Variants in GPBP1 observed in about 807,000 individuals in gnomAD.
GPBP1 encodes vasculin.
GPBP1 carries 13 observed loss-of-function variants against 56.5 expected under a neutral mutation model. The observed-to-expected ratio is 0.23, with a 90% CI of 0.15 to 0.37. The LOEUF is 0.37. GPBP1 is among the 10% of genes least tolerant of loss of function. The pLI, the probability that GPBP1 is intolerant of heterozygous loss-of-function variation, is 1.00. For missense variants in GPBP1, 477 were observed against 572.3 expected, an observed-to-expected ratio of 0.83 and a Z score of 1.70; for synonymous variants, 204 against 188.9, an observed-to-expected ratio of 1.08 and a Z score of -0.66.
At chr5:57,199,606 A>T (rs62355723) in intron 2 of GPBP1, among the ~76,000 whole-genome samples, 3,254 of 152,288 alleles carry the variant, frequency 0.021, 61 homozygotes, top group Middle Eastern at 0.048. Context: ...CAGGTTTGTT[A>T]CATATGTATA....
chr5:57,220,369 ATGATTT>A (rs778732329), intron 3 of GPBP1, among the ~76,000 whole-genome samples: 1 of 152,050 alleles, frequency 6.6e-6, no homozygotes, highest in Non-Finnish European at 1.5e-5. Context: ...CATAATGATG[ATGATTT>A]TACTCTTAGA....
At chr5:57,183,638 C>G (rs528501320) in intron 2 of GPBP1, among the ~76,000 whole-genome samples, 8 of 152,038 alleles carry the variant, frequency 5.3e-5, no homozygotes, top group Non-Finnish European at 1.2e-4. Context: ...CAAGAACCGC[C>G]CCCCCATCTC....
chr5:57,246,559 G>T (rs1448567925), intron 7 of GPBP1, 75 bp downstream of exon 7: 20 of 1,274,102 alleles, frequency 1.6e-5, no homozygotes, highest in Non-Finnish European at 2.1e-5. Flanking sequence ...AAATGTTAAA[G>T]AATTTAAAGT....
chr5:57,229,472 C>T (rs922261103), intron 3 of GPBP1, among the ~76,000 whole-genome samples: 1 of 150,476 alleles, frequency 6.6e-6, no homozygotes, highest in African/African-American at 2.4e-5. Flanking sequence ...ATTTATAGAG[C>T]TCTATTTTCC....
At chr5:57,242,866 C>T (rs1349881654) in intron 6 of GPBP1, among the ~76,000 whole-genome samples, 4 of 150,530 alleles carry the variant, frequency 2.7e-5, no homozygotes, top group South Asian at 2.1e-4. Context: ...TCTTCTGCCT[C>T]GGCCTCCCGA....
intron 3 of GPBP1, among the ~76,000 whole-genome samples, chr5:57,225,184 C>T (rs1258404636): frequency 6.6e-6 from 1 of 152,060 alleles, no homozygotes; most frequent in Non-Finnish European, 1.5e-5. Flanking sequence ...TTTCGCCGGG[C>T]ACGGTAGCTC....
At chr5:57,203,438 C>A (rs1346277314) in intron 2 of GPBP1, among the ~76,000 whole-genome samples, 1 of 152,082 alleles carries the variant, frequency 6.6e-6, no homozygotes, top group African/African-American at 2.4e-5. Flanking sequence ...GAGTTTGAGA[C>A]CAGCCTGGGC....
At chr5:57,217,567 G>A (rs1365304854) in intron 3 of GPBP1, among the ~76,000 whole-genome samples, 10 of 151,820 alleles carry the variant, frequency 6.6e-5, no homozygotes, top group Non-Finnish European at 1.5e-4. Context: ...GTGAAATACT[G>A]TCTCAAAACA....
chr5:57,223,781 A>G (rs1756056431), intron 3 of GPBP1, among the ~76,000 whole-genome samples: 1 of 149,010 alleles, frequency 6.7e-6, no homozygotes, highest in African/African-American at 2.4e-5. Flanking sequence ...TTTTAAAATT[A>G]TATATATAAT....
At chr5:57,200,528 T>C (rs1754968895) in intron 2 of GPBP1, among the ~76,000 whole-genome samples, 1 of 151,800 alleles carries the variant, frequency 6.6e-6, no homozygotes, top group African/African-American at 2.4e-5. Context: ...CCACCATGGC[T>C]GGCTAATTTT....
At chr5:57,197,186 T>G (rs1253074471) in intron 2 of GPBP1, among the ~76,000 whole-genome samples, 1 of 152,142 alleles carries the variant, frequency 6.6e-6, no homozygotes, top group Non-Finnish European at 1.5e-5. Context: ...CTAGCCCATT[T>G]TTTTTTAAAA....
Position 57,262,781 on chromosome 5 carries a change from A to G in GPBP1, c.*29A>G. On this transcript the variant is annotated 3_prime_UTR_variant, in exon 12 of 12. Coordinates refer to ENST00000506184, the MANE Select transcript of GPBP1 (RefSeq NM_022913.4). ...ATTTCCTAACAGCTTTAGAAATCTT[A>G]GTGTGATACATCTCTCATACAGTTT... 6.3e-7 allele frequency: 1 copy of G among 1,588,034 alleles called. No individual in the cohort carries two copies. The highest frequency in any genetic ancestry group is 8.6e-7 in the Non-Finnish European group (1 of 1,157,400).
intron 6 of GPBP1, among the ~76,000 whole-genome samples, chr5:57,244,727 A>ATTTTTTTTTTTTTTTTTTTTTT: frequency 1.1e-5 from 1 of 93,154 alleles, no homozygotes; most frequent in Non-Finnish European, 2.0e-5. Context: ...TTTGTTTGAG[A>ATTTTTTTTTTTTTTTTTTTTTT]TTTTTTTTTT....
chr5:57,206,781 G>C (rs1561338318), intron 2 of GPBP1, among the ~76,000 whole-genome samples: 4 of 152,096 alleles, frequency 2.6e-5, no homozygotes, highest in Admixed American at 2.0e-4. Flanking sequence ...TAGCACTCTT[G>C]TTGAAAATAA....
chr5:57,224,150 T>C (rs577715176), intron 3 of GPBP1, among the ~76,000 whole-genome samples: 2 of 152,022 alleles, frequency 1.3e-5, no homozygotes, highest in Non-Finnish European at 2.9e-5. Context: ...ATATTTTTAA[T>C]TAAAATTTTT....
chr5:57,229,967 C>T (rs1361207745), intron 3 of GPBP1, among the ~76,000 whole-genome samples: 1 of 150,730 alleles, frequency 6.6e-6, no homozygotes, highest in Non-Finnish European at 1.5e-5. Context: ...CGTCCCGTCC[C>T]GTCCCTTCTC....
intron 2 of GPBP1, among the ~76,000 whole-genome samples, chr5:57,193,912 A>G (rs1424852276): frequency 6.6e-6 from 1 of 152,088 alleles, no homozygotes; most frequent in Non-Finnish European, 1.5e-5. Context: ...AGAGGTTTAG[A>G]GGAAAGTCAC....
intron 2 of GPBP1, among the ~76,000 whole-genome samples, chr5:57,196,671 C>T (rs1375634053): frequency 6.6e-6 from 1 of 152,010 alleles, no homozygotes; most frequent in Non-Finnish European, 1.5e-5. Flanking sequence ...GGGCTCACTG[C>T]AACCTCGACT....
chr5:57,182,768 C>T (rs1347877141), intron 2 of GPBP1, among the ~76,000 whole-genome samples: 3 of 152,066 alleles, frequency 2.0e-5, no homozygotes, highest in East Asian at 1.9e-4. Flanking sequence ...ACTGCCATCT[C>T]GACCTCCTAG....
Sources: allele counts gnomAD v4.1 joint callset (sites outside exome capture counted in the v4.1 genomes callset), GRCh38; gene constraint gnomAD v4.1.1; transcripts MANE v1.5; gene names NCBI Gene and HGNC (gene_info 2026-07-23, HGNC 2026-07-21).